Variants in PPP4R3B observed in about 807,000 individuals in gnomAD.
The protein encoded by PPP4R3B is serine/threonine-protein phosphatase 4 regulatory subunit 3B.
PPP4R3B carries 52 observed loss-of-function variants against 95.4 expected under a neutral mutation model. That is an observed-to-expected ratio of 0.54 (90% CI 0.44 to 0.69). The LOEUF (loss-of-function observed/expected upper bound fraction) is 0.69, where lower values mean the gene tolerates loss of function less well. Among genes scored for constraint, PPP4R3B ranks in the 30% least tolerant of loss-of-function variants. The pLI is 0.00. For missense variants in PPP4R3B, 1,003 were observed against 1,005.9 expected (o/e 1.00, Z 0.04); for synonymous variants, 407 against 343.9 (o/e 1.18, Z -2.03).
At chr2:55,597,083 T>C (rs1004817914) in intron 4 of PPP4R3B, among the ~76,000 whole-genome samples, 4 of 152,174 alleles carry the variant, frequency 2.6e-5, no homozygotes, top group Non-Finnish European at 5.9e-5. Flanking sequence ...TACTGTTCAA[T>C]GGGTTCAGAG....
chr2:55,594,612 C>T (rs1691509180), intron 4 of PPP4R3B, among the ~76,000 whole-genome samples: 1 of 152,096 alleles, frequency 6.6e-6, no homozygotes, highest in South Asian at 2.1e-4. Context: ...TTTGGAAACC[C>T]TTCTGAAGAC....
intron 16 of PPP4R3B, among the ~76,000 whole-genome samples, chr2:55,551,109 T>C (rs1470897261): frequency 6.6e-6 from 1 of 152,132 alleles, no homozygotes; most frequent in Non-Finnish European, 1.5e-5. Flanking sequence ...CCCAGCACTT[T>C]GGGAGATCGA....
intron 4 of PPP4R3B, among the ~76,000 whole-genome samples, chr2:55,589,784 T>C (rs913124545): frequency 1.3e-5 from 2 of 149,916 alleles, no homozygotes; most frequent in Non-Finnish European, 3.0e-5. Flanking sequence ...GGCATGGTGG[T>C]GGGCGCCTGT....
At chr2:55,573,826 T>C (rs1295272710) in intron 11 of PPP4R3B, 49 bp from the exon 12 acceptor site, 4 of 1,164,660 alleles carry the variant, frequency 3.4e-6, no homozygotes, top group Non-Finnish European at 4.6e-6. Flanking sequence ...TATATCTAAA[T>C]AAAGAATAAA....
chr2:55,568,808 G>A (rs552707803), intron 12 of PPP4R3B, among the ~76,000 whole-genome samples: 1 of 152,310 alleles, frequency 6.6e-6, no homozygotes, highest in Admixed American at 6.5e-5. Context: ...GGTGGGCACA[G>A]GAGTGGGCAA....
At chr2:55,588,379 A>G (rs1450792202) in intron 5 of PPP4R3B, among the ~76,000 whole-genome samples, 1 of 151,926 alleles carries the variant, frequency 6.6e-6, no homozygotes, top group African/African-American at 2.4e-5. Context: ...CGGGTGTGGC[A>G]GCGCATGCCT....
At position 55,548,855 on chromosome 2, in the gene PPP4R3B, C is replaced by G. The variant is rs964942359; in HGVS notation, c.*1056G>C. The G allele has an allele frequency of 2.0e-5, 3 of 152,614 alleles. No individual in the cohort carries two copies. The highest frequency in any genetic ancestry group is 1.9e-4 in the East Asian group (1 of 5,194). The allele number at this position is 152,614 out of a possible 1,614,324, so 9.5% of individuals were successfully genotyped here. On this transcript the variant is annotated 3_prime_UTR_variant, in exon 17 of 17. Transcript: ENST00000616407. The stretch of plus-strand genomic sequence containing the variant: ...TCAATTTATTTTTAAAATTCACTTA[C>G]GTATATGGAATGTGCTTTTACTCTT...
chr2:55,609,618 T>C (rs1258046308), intron 2 of PPP4R3B, among the ~76,000 whole-genome samples: 1 of 148,496 alleles, frequency 6.7e-6, no homozygotes, highest in African/African-American at 2.5e-5. Flanking sequence ...CAGTAAGCCA[T>C]GATCACGCCA....
chr2:55,599,353 G>A lies in PPP4R3B; in HGVS notation c.298-314C>T, dbSNP rs1372215344. ...CTCAGGTGGCTGAGGCAGGAGAATC[G>A]CTTGAACCTGGAAGGTGGAGGTTGC... On this transcript the variant is annotated intron_variant, in intron 3 of 16. Coordinates refer to ENST00000616407, the MANE Select transcript of PPP4R3B (RefSeq NM_001122964.3). Among the ~76,000 whole-genome samples, 5 of 152,130 alleles carry A rather than the reference G, an allele frequency of 3.3e-5. No homozygotes were observed. In the South Asian group the frequency reaches 1.0e-3, roughly 31 times the overall value.
At chr2:55,597,595 C>T (rs187429230) in intron 4 of PPP4R3B, among the ~76,000 whole-genome samples, 110 of 151,164 alleles carry the variant, frequency 7.3e-4, no homozygotes, top group South Asian at 2.5e-3. Context: ...GCACTTCAGC[C>T]TGGGCGACCG....
At chr2:55,567,227 C>T (rs1687425802) in intron 13 of PPP4R3B, among the ~76,000 whole-genome samples, 1 of 152,174 alleles carries the variant, frequency 6.6e-6, no homozygotes, top group Non-Finnish European at 1.5e-5. Context: ...GCTTCAAGTT[C>T]TGACTGGTCC....
chr2:55,561,540 A>G (rs1188395268), intron 15 of PPP4R3B, among the ~76,000 whole-genome samples: 2 of 152,158 alleles, frequency 1.3e-5, no homozygotes, highest in Non-Finnish European at 2.9e-5. Flanking sequence ...TAGCCCATGA[A>G]AGCAGCCATG....
chr2:55,591,388 C>T (rs1691004050), intron 4 of PPP4R3B: 1 of 312,248 alleles, frequency 3.2e-6, no homozygotes, highest in Non-Finnish European at 4.7e-6. Context: ...AGCAATCCTC[C>T]CACCTCAGCC....
chr2:55,609,815 T>A (rs1223285632), intron 2 of PPP4R3B, among the ~76,000 whole-genome samples: 1 of 151,022 alleles, frequency 6.6e-6, no homozygotes, highest in East Asian at 1.9e-4. Context: ...AGGGAAAAAA[T>A]ACATACAATT....
At chr2:55,594,625 A>G (rs1299716557) in intron 4 of PPP4R3B, among the ~76,000 whole-genome samples, 2 of 152,208 alleles carry the variant, frequency 1.3e-5, no homozygotes, top group Non-Finnish European at 1.5e-5. Flanking sequence ...CTGAAGACAA[A>G]AACAGTCATT....
intron 16 of PPP4R3B, among the ~76,000 whole-genome samples, chr2:55,555,365 A>G (rs962681727): frequency 1.1e-4 from 17 of 149,916 alleles, no homozygotes; most frequent in African/African-American, 4.2e-4. Flanking sequence ...AATCTGCCTT[A>G]TTTTTTTTTA....
intron 4 of PPP4R3B, among the ~76,000 whole-genome samples, chr2:55,593,265 G>C (rs1417600919): frequency 1.3e-5 from 2 of 152,168 alleles, no homozygotes; most frequent in East Asian, 3.8e-4. Flanking sequence ...AGTCACTAAA[G>C]TCTTATGTCC....
chr2:55,597,313 C>A (rs956451213), intron 4 of PPP4R3B, among the ~76,000 whole-genome samples: 24 of 151,978 alleles, frequency 1.6e-4, no homozygotes, highest in Admixed American at 7.2e-4. Context: ...ATGGAGAAAC[C>A]CCCCTCTACT....
chr2:55,584,946 G>A, intron 7 of PPP4R3B, 105 bp downstream of exon 7: 1 of 861,932 alleles, frequency 1.2e-6, no homozygotes, highest in Non-Finnish European at 1.8e-6. Flanking sequence ...CTATTATTTT[G>A]CTCCCAAGAA....
Sources: allele counts gnomAD v4.1 joint callset (sites outside exome capture counted in the v4.1 genomes callset), GRCh38; gene constraint gnomAD v4.1.1; transcripts MANE v1.5; gene names NCBI Gene and HGNC (gene_info 2026-07-23, HGNC 2026-07-21).